The following RPGR variants were observed in gnomAD, a reference collection of about 807,000 sequenced individuals.
RPGR encodes X-linked retinitis pigmentosa GTPase regulator.
Under a neutral mutation model 56.3 loss-of-function variants are expected in RPGR, and 10 were observed. That is an observed-to-expected ratio of 0.18 (90% CI 0.11 to 0.30). RPGR has a LOEUF of 0.30. Among genes scored for constraint, RPGR ranks in the 10% least tolerant of loss-of-function variants. The pLI is 1.00. For missense variants in RPGR, 538 were observed against 590.9 expected, an observed-to-expected ratio of 0.91 and a Z score of 0.93; for synonymous variants, 197 against 212.9, an observed-to-expected ratio of 0.93 and a Z score of 0.65.
rs2067562047 is a variant in RPGR, at chrX:38,304,656, T to C, written c.913A>G (p.Asn305Asp). Residue 305 changes from asparagine to aspartate, a missense_variant, in exon 8 of 19, where the codon AAT becomes GAT. By Grantham distance (23) the Asn-to-Asp change is conservative. Around this residue, in one of 2 missense-constraint regions of RPGR, gnomAD observed 181 missense variants for 265.1 expected, o/e 0.68. Transcript: ENST00000642395. ...ATACCTGTTATCAAAGCTGTGTGAT[T>C]TTCTCCACAAGAAATATAACTTATT... 1 of 1,198,022 alleles carries C rather than the reference T, an allele frequency of 8.3e-7. No individual in the cohort carries two copies. Among genetic ancestry groups the C allele is most frequent in the Non-Finnish European group, 1.1e-6 (1 of 884,428 alleles).
intron 6 of RPGR, among the ~76,000 whole-genome samples, chrX:38,315,834 T>TAGAG (rs1305812896): frequency 1.2e-3 from 104 of 88,383 alleles, no homozygotes; most frequent in South Asian, 6.2e-3. Flanking sequence ...TATATATATA[T>TAGAG]ATATAGAGAG....
At chrX:38,280,959 T>C (rs112636342) in intron 15 of RPGR, among the ~76,000 whole-genome samples, 101 of 112,268 alleles carry the variant, frequency 9.0e-4, no homozygotes, top group African/African-American at 3.2e-3. Flanking sequence ...GGGCTGCCAG[T>C]TGTGATCTCC....
chrX:38,307,182 C>A (rs183217109), intron 7 of RPGR, among the ~76,000 whole-genome samples: 1 of 111,633 alleles, frequency 9.0e-6, no homozygotes, highest in East Asian at 2.8e-4. Flanking sequence ...TCACAACTGG[C>A]CTTTCTTGTG....
At chrX:38,300,783 C>T (rs1182535866) in intron 9 of RPGR, among the ~76,000 whole-genome samples, 1 of 112,334 alleles carries the variant, frequency 8.9e-6, no homozygotes, top group Admixed American at 9.4e-5. Flanking sequence ...GATCCGCCCG[C>T]CTTGGCCTCC....
chrX:38,308,974 T>C (rs2067655316), intron 7 of RPGR, among the ~76,000 whole-genome samples: 1 of 112,091 alleles, frequency 8.9e-6, no homozygotes, highest in East Asian at 2.8e-4. Flanking sequence ...TCAAAATTTG[T>C]CTACAACATT....
At chrX:38,292,443 C>T (rs769346970) in intron 11 of RPGR, among the ~76,000 whole-genome samples, 2 of 111,651 alleles carry the variant, frequency 1.8e-5, no homozygotes, top group East Asian at 5.6e-4. Context: ...TCTCACTATG[C>T]CCTCATTGAT....
chrX:38,311,070 A>G (rs1217615509), intron 6 of RPGR, among the ~76,000 whole-genome samples: 8 of 112,561 alleles, frequency 7.1e-5, no homozygotes, highest in Admixed American at 3.8e-4. Flanking sequence ...AAGCTCCCAT[A>G]AAAACATGAA....
At chrX:38,317,873 A>C (rs2067855672) in intron 5 of RPGR, 1 of 120,074 alleles carries the variant, frequency 8.3e-6, no homozygotes, top group South Asian at 3.1e-4. Flanking sequence ...AAAAGCCTGG[A>C]AGACCTTGCT....
At chrX:38,285,859 T>C in intron 15 of RPGR, 1 of 1,204,301 alleles carries the variant, frequency 8.3e-7, no homozygotes. Context: ...CCCCTCCTTT[T>C]CCCTTTCTTC....
Position 38,273,466 on chromosome X carries a change from CA to C in RPGR, c.2160del (p.Asp721MetfsTer8). 1 of 1,196,301 alleles carries C rather than the reference CA, an allele frequency of 8.4e-7. No homozygotes were observed. The highest frequency in any genetic ancestry group is 1.1e-6 in the Non-Finnish European group (1 of 883,608). On this transcript the variant is annotated frameshift_variant, in exon 18 of 19. Transcript: ENST00000642395. LOFTEE classifies it high-confidence loss of function. ...TCTAATGAACTGCTATCTGCATCAT[CA>C]AGCATGTATCCTACAATTGGATCAT...
At chrX:38,312,637 G>T (rs1160501675) in intron 6 of RPGR, among the ~76,000 whole-genome samples, 1 of 111,462 alleles carries the variant, frequency 9.0e-6, no homozygotes, top group Non-Finnish European at 1.9e-5. Flanking sequence ...TTTGATGACA[G>T]CTCTATAAAA....
At chrX:38,279,347 C>A in intron 15 of RPGR, 1 of 236,640 alleles carries the variant, frequency 4.2e-6, no homozygotes, top group Non-Finnish European at 7.9e-6. Flanking sequence ...AGTGAATGGG[C>A]CTGACCTCTC....
intron 16 of RPGR, chrX:38,276,457 A>T (rs199690156): frequency 4.7e-6 from 3 of 641,674 alleles, no homozygotes; most frequent in Admixed American, 5.4e-5. Context: ...ATGGCACATG[A>T]ATTCATGTAT....
intron 13 of RPGR, among the ~76,000 whole-genome samples, chrX:38,289,814 T>G (rs2147208596): frequency 8.9e-6 from 1 of 112,448 alleles, no homozygotes; most frequent in East Asian, 2.8e-4. Context: ...TCATGATTCT[T>G]TTAAGAGCCC....
At chrX:38,276,863 C>CT (rs1234440064) in intron 15 of RPGR, 20 of 734,016 alleles carry the variant, frequency 2.7e-5, no homozygotes, top group Non-Finnish European at 3.8e-5. Context: ...TTTGTGTCAT[C>CT]TAAAAAAACC....
chrX:38,279,846 T>A (rs920403628), intron 15 of RPGR, among the ~76,000 whole-genome samples: 3 of 111,977 alleles, frequency 2.7e-5, no homozygotes, highest in African/African-American at 9.7e-5. Context: ...CCAGATAGGT[T>A]AATATAGCAT....
At chrX:38,275,805 A>T in intron 16 of RPGR, among the ~76,000 whole-genome samples, 1 of 111,805 alleles carries the variant, frequency 8.9e-6, no homozygotes, top group Non-Finnish European at 1.9e-5. Flanking sequence ...CTTGCAACAG[A>T]CCAATGATGA....
chrX:38,293,075 G>A (rs10521412), intron 11 of RPGR, among the ~76,000 whole-genome samples: 10,520 of 111,709 alleles, frequency 0.094, 498 homozygotes, highest in African/African-American at 0.16. Flanking sequence ...TTCAGTGACC[G>A]TTGGTATCCA....
rs1462174690 is a variant in RPGR at position 38,317,431 on chromosome X, G to A, written c.504C>T (p.Ser168=). Residue 168 remains serine (S), a synonymous_variant, in exon 6 of 19, where the codon TCC becomes TCT. Coordinates refer to ENST00000642395, the MANE Select transcript of RPGR (RefSeq NM_000328.3). ...CATTTTTTAAACCAATTTGCCCTTC[G>A]GAATTGTCACCCCACATAAAAAGTC... 9 of 1,207,656 alleles carry A rather than the reference G, an allele frequency of 7.5e-6. No individual in the cohort carries two copies. Among genetic ancestry groups the A allele is most frequent in the Middle Eastern group, 2.3e-4 (1 of 4,363 alleles).
Sources: gnomAD v4.1 joint callset for allele counts (sites outside exome capture counted in the v4.1 genomes callset) on GRCh38, gnomAD v4.1.1 for gene constraint, gnomAD v4.1.1 regional missense constraint, MANE v1.5 for transcripts, NCBI Gene and HGNC (gene_info 2026-07-23, HGNC 2026-07-21) for gene names.